Variants in SUB1 observed in about 807,000 individuals in gnomAD.
SUB1 encodes the protein activated RNA polymerase II transcriptional coactivator p15.
Under a neutral mutation model 16.9 loss-of-function variants are expected in SUB1, and 1 was observed. The observed-to-expected ratio is 0.06, with a 90% CI of 0.02 to 0.28. The LOEUF (loss-of-function observed/expected upper bound fraction) is 0.28. Among genes scored for constraint, SUB1 ranks in the 10% least tolerant of loss-of-function variants. SUB1 has a pLI of 1.00. For missense variants in SUB1, 84 were observed against 145.2 expected, an observed-to-expected ratio of 0.58 and a Z score of 2.16; for synonymous variants, 51 against 46.9, an observed-to-expected ratio of 1.09 and a Z score of -0.36.
At chr5:32,596,182 G>A (rs1434262530) in intron 3 of SUB1, 2 of 152,208 alleles carry the variant, frequency 1.3e-5, no homozygotes, top group Non-Finnish European at 2.9e-5. Flanking sequence ...TTGGTCAGGG[G>A]CGTCTGTGAC....
intron 1 of SUB1, chr5:32,586,247 C>T (rs1384928359): frequency 1.3e-5 from 2 of 152,242 alleles, no homozygotes; most frequent in East Asian, 3.9e-4. Flanking sequence ...TAGCGGCTTG[C>T]TGGGGCCGCG....
chr5:32,602,297 A>G lies in SUB1; in HGVS notation c.*1213A>G, dbSNP rs922053168. ...TATAAAGGGAATTATAACTGAAATT[A>G]AAGGAGGCGGCAGTGAAGAGGAAAT... On this transcript the variant is annotated 3_prime_UTR_variant, in exon 5 of 5. Transcript: ENST00000265073. The G allele has an allele frequency of 1.3e-4, 59 of 447,270 alleles. No homozygotes were observed. Among genetic ancestry groups the G allele is most frequent in the Non-Finnish European group, 2.4e-4 (53 of 224,320 alleles). 27.7% of individuals were successfully genotyped at this position (447,270 alleles called of 1,614,324 possible).
intron 1 of SUB1, among the ~76,000 whole-genome samples, chr5:32,586,946 A>G (rs1003238581): frequency 2.0e-5 from 3 of 152,160 alleles, no homozygotes; most frequent in South Asian, 2.1e-4. Flanking sequence ...AACATATGCA[A>G]TGTCAGTGCT....
At chr5:32,598,807 G>T (rs1449863920) in intron 3 of SUB1, 154 bp from the exon 4 acceptor site, 4 of 578,068 alleles carry the variant, frequency 6.9e-6, no homozygotes, top group Non-Finnish European at 1.2e-5. Flanking sequence ...AGTGGGACCT[G>T]CACAGTTCAG....
At chr5:32,596,762 TG>T (rs1456094108) in intron 3 of SUB1, 1 of 152,158 alleles carries the variant, frequency 6.6e-6, no homozygotes, top group Non-Finnish European at 1.5e-5. Flanking sequence ...TGACCTCTTA[TG>T]TCTGTCTTTA....
chr5:32,594,800 C>T (rs544322572), intron 3 of SUB1: 4 of 194,866 alleles, frequency 2.1e-5, no homozygotes, highest in South Asian at 7.2e-5. Flanking sequence ...TATCCTGAAA[C>T]GATCACCTTT....
chr5:32,599,627 A>C (rs1475076337), intron 4 of SUB1, among the ~76,000 whole-genome samples: 2 of 152,164 alleles, frequency 1.3e-5, no homozygotes, highest in Non-Finnish European at 2.9e-5. Context: ...TCAGCTAAAG[A>C]AAAATGCTTC....
intron 1 of SUB1, among the ~76,000 whole-genome samples, chr5:32,587,239 C>T (rs1216543120): frequency 6.6e-5 from 10 of 152,144 alleles, no homozygotes; most frequent in Non-Finnish European, 1.0e-4. Context: ...GACCTAATCT[C>T]TTCTGAGATG....
Position 32,602,012 on chromosome 5 carries a change from T to C in SUB1, c.*928T>C, listed in dbSNP as rs1739125858. ...GGTATGAATTATATGTAGCCAGAGA[T>C]GTCATTAAGCTTTACTGTTATAGTA... On this transcript the variant is annotated 3_prime_UTR_variant, in exon 5 of 5. Coordinates refer to ENST00000265073, the MANE Select transcript of SUB1 (RefSeq NM_006713.4). 2 of 192,940 alleles carry C rather than the reference T, an allele frequency of 1.0e-5. No individual in the cohort carries two copies. Among genetic ancestry groups the C allele is most frequent in the African/African-American group, 4.7e-5 (2 of 42,510 alleles). 12.0% of individuals were successfully genotyped at this position (192,940 alleles called of 1,614,324 possible).
At chr5:32,586,656 A>G (rs188143148) in intron 1 of SUB1, among the ~76,000 whole-genome samples, 1 of 152,346 alleles carries the variant, frequency 6.6e-6, no homozygotes, top group East Asian at 1.9e-4. Context: ...TATGATCGAC[A>G]GTTTCAAAGT....
rs1221299224 is a variant in SUB1, at chr5:32,602,497, C to G, written c.*1413C>G. The G allele has an allele frequency of 4.9e-6, 1 of 205,188 alleles. No homozygotes were observed. The highest frequency in any genetic ancestry group is 1.3e-4 in the East Asian group (1 of 7,410). 12.7% of individuals were successfully genotyped at this position (205,188 alleles called of 1,614,324 possible). Reference sequence around the variant, plus strand: ...AATGGTTACCTGCTATTAAGGTCTGCCATATTAGAGTTTTGCACTATTTTG... The same window carrying G: ...AATGGTTACCTGCTATTAAGGTCTGGCATATTAGAGTTTTGCACTATTTTG... On this transcript the variant is annotated 3_prime_UTR_variant, in exon 5 of 5. Coordinates refer to ENST00000265073, the MANE Select transcript of SUB1 (RefSeq NM_006713.4).
Position 32,602,649 on chromosome 5 carries a change from A to G in SUB1, c.*1565A>G, listed in dbSNP as rs535265688. 1 of 158,556 alleles carries G rather than the reference A, an allele frequency of 6.3e-6. No homozygotes were observed. The highest frequency in any genetic ancestry group is 1.8e-4 in the South Asian group (1 of 5,624). The allele number at this position is 158,556 out of a possible 1,614,324, so 9.8% of individuals were successfully genotyped here. On this transcript the variant is annotated 3_prime_UTR_variant, in exon 5 of 5. Coordinates refer to ENST00000265073, the MANE Select transcript of SUB1 (RefSeq NM_006713.4). ...CTATCAGCTATTCTGTTGTATTTCT[A>G]AAACATTTTTTAGATGACTTTTTAA...
chr5:32,595,846 A>G (rs148983683), intron 3 of SUB1: 3 of 152,284 alleles, frequency 2.0e-5, no homozygotes, highest in East Asian at 3.9e-4. Context: ...TTTTAGTTAC[A>G]TTGAATGTAT....
At chr5:32,600,636 C>T (rs1739092219) in intron 4 of SUB1, among the ~76,000 whole-genome samples, 1 of 149,622 alleles carries the variant, frequency 6.7e-6, no homozygotes, top group African/African-American at 2.5e-5. Flanking sequence ...TGGAGTCTTG[C>T]TCTCTTGCCC....
intron 3 of SUB1, chr5:32,595,410 C>T (rs1263754874): frequency 6.6e-6 from 1 of 152,190 alleles, no homozygotes; most frequent in Admixed American, 6.5e-5. Context: ...TCTTCTAGAA[C>T]TTTGTATAAA....
Position 32,603,771 on chromosome 5 carries a change from TAGC to T in SUB1, c.*2690_*2692del, listed in dbSNP as rs1278874737. The T allele has an allele frequency of 6.6e-6, 1 of 152,224 alleles. No homozygotes were observed. Among genetic ancestry groups the T allele is most frequent in the African/African-American group, 2.4e-5 (1 of 41,466 alleles). The allele number at this position is 152,224 out of a possible 1,614,324, so 9.4% of individuals were successfully genotyped here. ...TAAGTGTTCCTCACAGGAGATATGT[TAGC>T]AGAATACTATAAAAGTTTGAAATTT... On this transcript the variant is annotated 3_prime_UTR_variant, in exon 5 of 5. Transcript: ENST00000265073.
rs1579522215 is a variant in SUB1 at position 32,603,046 on chromosome 5, C to T, written c.*1962C>T. On this transcript the variant is annotated 3_prime_UTR_variant, in exon 5 of 5. Coordinates refer to ENST00000265073, the MANE Select transcript of SUB1 (RefSeq NM_006713.4). ...TTTAGGGGGTGTATGCATTTTGAAACAATCTACTAACAGATGGTGCTGAAA... is the reference window on the plus strand; with the variant it reads ...TTTAGGGGGTGTATGCATTTTGAAATAATCTACTAACAGATGGTGCTGAAA... The T allele has an allele frequency of 1.3e-5, 2 of 152,180 alleles. No individual in the cohort carries two copies. The highest frequency in any genetic ancestry group is 3.9e-4 in the East Asian group (2 of 5,186). The allele number at this position is 152,180 out of a possible 1,614,324, so 9.4% of individuals were successfully genotyped here.
chr5:32,596,279 AGGCTCTCCT>A (rs2111676292), intron 3 of SUB1: 1 of 152,302 alleles, frequency 6.6e-6, no homozygotes, highest in Admixed American at 6.5e-5. Context: ...CTTCTTCCTC[AGGCTCTCCT>A]CGAAGGCCAA....
At position 32,603,435 on chromosome 5, in the gene SUB1, CTA is replaced by C. The variant is rs1034336748; in HGVS notation, c.*2353_*2354del. ...CTCAGGTTTTTCCCTTTAACAGACTCTATGTGTATCAGGGCTTTCTAATGGGT... is the reference window on the plus strand; with the variant it reads ...CTCAGGTTTTTCCCTTTAACAGACTCTGTGTATCAGGGCTTTCTAATGGGT... On this transcript the variant is annotated 3_prime_UTR_variant, in exon 5 of 5. Coordinates refer to ENST00000265073, the MANE Select transcript of SUB1 (RefSeq NM_006713.4). The C allele has an allele frequency of 6.6e-6, 1 of 152,008 alleles. No individual in the cohort carries two copies. The highest frequency in any genetic ancestry group is 1.5e-5 in the Non-Finnish European group (1 of 67,984). 9.4% of individuals were successfully genotyped at this position (152,008 alleles called of 1,614,324 possible).
Sources: gnomAD v4.1 joint callset for allele counts (sites outside exome capture counted in the v4.1 genomes callset) on GRCh38, gnomAD v4.1.1 for gene constraint, MANE v1.5 for transcripts, NCBI Gene and HGNC (gene_info 2026-07-23, HGNC 2026-07-21) for gene names.